The following DNAH1 variants were observed in gnomAD, a reference collection of about 807,000 sequenced individuals.
The protein encoded by DNAH1 is dynein axonemal heavy chain 1.
DNAH1 carries 327 observed loss-of-function variants against 484.3 expected under a neutral mutation model. The observed-to-expected ratio is 0.68, with a 90% CI of 0.62 to 0.74. The LOEUF (loss-of-function observed/expected upper bound fraction) is 0.74, where lower values mean the gene tolerates loss of function less well. Ranked by LOEUF, DNAH1 falls within the 30% of genes least tolerant of loss-of-function variation. The pLI, the probability that DNAH1 is intolerant of heterozygous loss-of-function variation, is 0.00. For synonymous variants in DNAH1, 2,192 were observed against 2,191.9 expected (o/e 1.00, Z 0.00); for missense variants, 5,052 against 5,546.8 (o/e 0.91, Z 2.83).
At position 52,322,687 on chromosome 3, in the gene DNAH1, T is replaced by A. The variant is rs377237246; in HGVS notation, c.245T>A (p.Leu82Gln). ...SDLGQPRKSP[L>Q]TGTDKKYPLM... is the part of the protein sequence containing the mutation. Reference sequence around the variant, plus strand: ...TTGGGGCAGCCACGGAAGTCACCCCTGACAGGCACTGATAAGAAGTACCCG... The same window carrying A: ...TTGGGGCAGCCACGGAAGTCACCCCAGACAGGCACTGATAAGAAGTACCCG... Residue 82 changes from leucine (L) to glutamine (Q), a missense_variant, in exon 2 of 78, where the codon CTG (leucine) becomes CAG (glutamine). Around this residue, in one of 4 missense-constraint regions of DNAH1, gnomAD observed 1,263 missense variants for 1,218.8 expected, o/e 1.04. Coordinates refer to ENST00000420323, the MANE Select transcript of DNAH1 (RefSeq NM_015512.5). 91 of 1,613,712 alleles carry A rather than the reference T, an allele frequency of 5.6e-5. No individual in the cohort carries two copies. The highest frequency in any genetic ancestry group is 6.7e-5 in the Non-Finnish European group (79 of 1,179,844).
In DNAH1 at chr3:52,393,261, T is replaced by A. The variant is rs1490674587; in HGVS notation, c.10475-73T>A. On this transcript the variant is annotated intron_variant, in intron 65 of 77. Coordinates refer to ENST00000420323, the MANE Select transcript of DNAH1 (RefSeq NM_015512.5). ...CCCTACGGCTGCTGGGGAGACTGGC[T>A]AGGCTGGGCTGGACCCCGGGGCTCT... The A allele has an allele frequency of 3.8e-6, 6 of 1,594,852 alleles. No individual in the cohort carries two copies. The African/African-American group carries it at 4.0e-5, about 11-fold the overall frequency.
intron 8 of DNAH1, 148 bp from the exon 9 acceptor site, chr3:52,344,342 C>T (rs1702059777): frequency 3.2e-6 from 3 of 941,388 alleles, no homozygotes; most frequent in East Asian, 2.7e-5. Context: ...GTTAGTGGCT[C>T]AGGGCCGGGT....
chr3:52,375,823 C>T, intron 45 of DNAH1, 132 bp from the exon 46 acceptor site: 5 of 1,056,906 alleles, frequency 4.7e-6, no homozygotes, highest in Non-Finnish European at 2.8e-6. Context: ...GACGGAGTGT[C>T]TCTGAGCCTT....
In DNAH1 at chr3:52,358,011, G is replaced by A; in HGVS notation, c.4086+8G>A. ...TTCGAGAACATCGCTCGGGTGGGCA[G>A]CTGGGCCCGGGGCTCAGGGCTGGGA... On this transcript the variant is annotated splice_region_variant and intron_variant, in intron 24 of 77. Transcript: ENST00000420323. The surrounding 1 kb of genome is among the most constrained non-coding windows in gnomAD (Gnocchi z 4.2). 2 of 1,593,584 alleles carry A rather than the reference G, an allele frequency of 1.3e-6. No individual in the cohort carries two copies. The highest frequency in any genetic ancestry group is 1.3e-5 in the African/African-American group (1 of 74,704).
At chr3:52,389,848 A>T (rs755949227) in intron 60 of DNAH1, among the ~76,000 whole-genome samples, 10 of 152,230 alleles carry the variant, frequency 6.6e-5, no homozygotes, top group Non-Finnish European at 2.9e-5. Flanking sequence ...GTGGTGGCTC[A>T]CGCCTGTAAT....
chr3:52,378,675 C>T lies in DNAH1; in HGVS notation c.7272C>T (p.Thr2424=), dbSNP rs202167842. ...EATIMVYATI[T]SQLLPTPAKS... is the part of the protein sequence containing the mutation. ...CCATCATGGTGTATGCAACCATCAC[C>T]TCCCAGCTGCTGCCCACTCCAGCCA... is the stretch of plus-strand genomic sequence containing the variant. The change falls in exon 47 of 78, where the codon ACC becomes ACT. Residue 2424 remains threonine (T), a synonymous_variant. Transcript: ENST00000420323. The T allele has an allele frequency of 1.2e-6, 2 of 1,613,832 alleles. No individual in the cohort carries two copies. Among genetic ancestry groups the T allele is most frequent in the Admixed American group, 3.3e-5 (2 of 60,014 alleles).
At position 52,388,417 on chromosome 3, in the gene DNAH1, G is replaced by A. The variant is rs752460125; in HGVS notation, c.9172-1G>A. 1 of 1,610,466 alleles carries A rather than the reference G, an allele frequency of 6.2e-7. No homozygotes were observed. Among genetic ancestry groups the A allele is most frequent in the African/African-American group, 1.3e-5 (1 of 75,018 alleles). On this transcript the variant is annotated splice_acceptor_variant, in intron 57 of 77. Coordinates refer to ENST00000420323, the MANE Select transcript of DNAH1 (RefSeq NM_015512.5). LOFTEE classifies it high-confidence loss of function. ...CTAATCCTGCGCCCTCCGCCCCACA[G>A]CAAGCCCTGCTGGAGGCCCAGGATG...
Position 52,322,720 on chromosome 3 carries a change from A to G in DNAH1, c.278A>G (p.Lys93Arg). ...ACTGATAAGAAGTACCCGCTGATGA[A>G]GCAGCGTGGGTTCTACTCCGACATC... Reference protein sequence around the residue: ...TGTDKKYPLMKQRGFYSDILS... With the variant: ...TGTDKKYPLMRQRGFYSDILS... The change falls in exon 2 of 78, where the codon AAG (lysine) becomes AGG (arginine). Residue 93 changes from lysine to arginine, a missense_variant. Coordinates refer to ENST00000420323, the MANE Select transcript of DNAH1 (RefSeq NM_015512.5). 6.2e-7 allele frequency: 1 copy of G among 1,613,238 alleles called. No homozygotes were observed. Among genetic ancestry groups the G allele is most frequent in the Non-Finnish European group, 8.5e-7 (1 of 1,179,598 alleles).
chr3:52,362,430 C>T lies in DNAH1; in HGVS notation c.5023C>T (p.Pro1675Ser), dbSNP rs1702902245. The T allele has an allele frequency of 6.2e-7, 1 of 1,613,984 alleles. No individual in the cohort carries two copies. The highest frequency in any genetic ancestry group is 8.5e-7 in the Non-Finnish European group (1 of 1,179,900). Reference protein sequence around the residue: ...MFEGVEIPLVPSCAVFITMNP... With the variant: ...MFEGVEIPLVSSCAVFITMNP... ...TGAGGGTGTGGAGATCCCACTGGTGCCATCCTGCGCAGTGTTTATCACCAT... is the reference window on the plus strand; with the variant it reads ...TGAGGGTGTGGAGATCCCACTGGTGTCATCCTGCGCAGTGTTTATCACCAT... Residue 1675 changes from proline (P) to serine (S), a missense_variant, in exon 31 of 78, where the codon CCA (proline) becomes TCA (serine). Pro to Ser is a moderately conservative substitution (Grantham distance 74). This residue lies in a region of DNAH1 where 2,929 missense variants were observed against 3,409.4 expected (regional missense o/e 0.86). Coordinates refer to ENST00000420323, the MANE Select transcript of DNAH1 (RefSeq NM_015512.5). This position sits in a 1 kb window ranked among gnomAD's most constrained non-coding sequence, Gnocchi z 5.1.
chr3:52,353,371 A>G lies in DNAH1; in HGVS notation c.3227-9A>G, dbSNP rs1702475326. The stretch of plus-strand genomic sequence containing the variant: ...CCTGCCTCTCATGCGTTTCTGTCTT[A>G]CCCGGCAGCCTGCCAGGAAGTGGCC... On this transcript the variant is annotated splice_polypyrimidine_tract_variant and intron_variant, in intron 19 of 77. Coordinates refer to ENST00000420323, the MANE Select transcript of DNAH1 (RefSeq NM_015512.5). The surrounding 1 kb of genome is among the most constrained non-coding windows in gnomAD (Gnocchi z 5.0). The G allele has an allele frequency of 3.1e-6, 5 of 1,609,246 alleles. No individual in the cohort carries two copies. Among genetic ancestry groups the G allele is most frequent in the Non-Finnish European group, 3.4e-6 (4 of 1,176,494 alleles).
At chr3:52,346,920 C>A in intron 11 of DNAH1, 150 bp downstream of exon 11, 1 of 828,660 alleles carries the variant, frequency 1.2e-6, no homozygotes, top group Non-Finnish European at 1.9e-6. Context: ...GGCTGCTGGG[C>A]AATGTCCTGC....
At chr3:52,374,019 T>C (rs1463154994) in intron 44 of DNAH1, 55 of 1,037,106 alleles carry the variant, frequency 5.3e-5, no homozygotes, top group Middle Eastern at 4.7e-4. Context: ...CAATCTAATA[T>C]AGCGAAGAAA....
Position 52,370,493 on chromosome 3 carries a change from C to A in DNAH1, c.6275C>A (p.Pro2092His), listed in dbSNP as rs779088247. The change falls in exon 40 of 78, where the codon CCC becomes CAC. Residue 2092 changes from proline to histidine, a missense_variant. Coordinates refer to ENST00000420323, the MANE Select transcript of DNAH1 (RefSeq NM_015512.5). The stretch of plus-strand genomic sequence containing the variant: ...CATCCCCAGGGCCTCAAGAAAATAC[C>A]CTCTGAAAAGCTGAGTCGCATCGTA... ...FLPREGLKKI[P>H]SEKLSRIVEL... 4 of 1,613,978 alleles carry A rather than the reference C, an allele frequency of 2.5e-6. No individual in the cohort carries two copies. The South Asian group carries it at 4.4e-5, about 18-fold the overall frequency.
chr3:52,351,101 C>T (rs769938087), intron 16 of DNAH1, among the ~76,000 whole-genome samples: 2 of 152,198 alleles, frequency 1.3e-5, no homozygotes, highest in East Asian at 1.9e-4. Flanking sequence ...CCACCCGCCG[C>T]GCCCTCCCAA....
intron 37 of DNAH1, among the ~76,000 whole-genome samples, 183 bp from the exon 38 acceptor site, chr3:52,369,642 G>C (rs1703233338): frequency 6.6e-6 from 1 of 152,066 alleles, no homozygotes; most frequent in African/African-American, 2.4e-5. Context: ...AGGGCTCCAG[G>C]GAGAGCCACG....
At position 52,381,678 on chromosome 3, in the gene DNAH1, C is replaced by A. The variant is rs1703851271; in HGVS notation, c.7647C>A (p.Asn2549Lys). 6.2e-7 allele frequency: 1 copy of A among 1,609,002 alleles called. No individual in the cohort carries two copies. Among genetic ancestry groups the A allele is most frequent in the Non-Finnish European group, 8.5e-7 (1 of 1,178,056 alleles). Residue 2549 changes from asparagine to lysine, a missense_variant, in exon 49 of 78, where the codon AAC becomes AAA. Physicochemically the swap from Asn to Lys is moderately conservative, Grantham distance 94 (BLOSUM62 0). Transcript: ENST00000420323. The surrounding 1 kb of genome is among the most constrained non-coding windows in gnomAD (Gnocchi z 4.1). ...TAGAGGAGTACATAGAGGACTACAA[C>A]CAGATCAACACGGCCAAGCTGAAGC... Reference protein sequence around the residue: ...QVIEEYIEDYNQINTAKLKLV... With the variant: ...QVIEEYIEDYKQINTAKLKLV...
rs1412291866 is a variant in DNAH1, at chr3:52,379,291, G to A, written c.7377+511G>A. On this transcript the variant is annotated intron_variant, in intron 47 of 77. Transcript: ENST00000420323. This position sits in a 1 kb window ranked among gnomAD's most constrained non-coding sequence, Gnocchi z 4.4. Reference sequence around the variant, plus strand: ...GAATGGGACTGAGCGGCCAGTGTGTGTGTAGCCCAGGCTAAGGAGATGGGG... The same window carrying A: ...GAATGGGACTGAGCGGCCAGTGTGTATGTAGCCCAGGCTAAGGAGATGGGG... Among the ~76,000 whole-genome samples the A allele has an allele frequency of 6.6e-6, 1 of 152,190 alleles. No homozygotes were observed. The highest frequency in any genetic ancestry group is 2.4e-5 in the African/African-American group (1 of 41,430).
rs1296594216 is a variant in DNAH1 at position 52,326,311 on chromosome 3, A to C, written c.578A>C (p.Glu193Ala). 6.2e-7 allele frequency: 1 copy of C among 1,605,146 alleles called. No individual in the cohort carries two copies. Among genetic ancestry groups the C allele is most frequent in the East Asian group, 2.2e-5 (1 of 44,886 alleles). ...PGQHPRKIEI[E>A]RRKQQYLSLD... ...CAGCATCCTCGCAAGATTGAGATCGAGAGGTACGGCTGGGTGGGCTGTGGG... is the reference window on the plus strand; with the variant it reads ...CAGCATCCTCGCAAGATTGAGATCGCGAGGTACGGCTGGGTGGGCTGTGGG... The change falls in exon 4 of 78, where the codon GAG becomes GCG. Residue 193 changes from glutamate (E) to alanine (A), a missense_variant. Coordinates refer to ENST00000420323, the MANE Select transcript of DNAH1 (RefSeq NM_015512.5).
At chr3:52,385,278 G>C in intron 53 of DNAH1, 59 bp from the exon 54 acceptor site, 1 of 1,501,608 alleles carries the variant, frequency 6.7e-7, no homozygotes, top group Non-Finnish European at 9.1e-7. Context: ...GGCCCAGCAG[G>C]CCCTGTGCTC....
Sources: allele counts gnomAD v4.1 joint callset (sites outside exome capture counted in the v4.1 genomes callset), GRCh38; gene constraint gnomAD v4.1.1; regional missense constraint gnomAD v4.1.1; non-coding constraint Gnocchi (gnomAD v3.1); transcripts MANE v1.5; gene names NCBI Gene and HGNC (gene_info 2026-07-23, HGNC 2026-07-21).